GABRG3: variants seen among roughly 807,000 people sequenced by gnomAD.
GABRG3 encodes gamma-aminobutyric acid receptor subunit gamma-3.
A neutral mutation model predicts 48.8 loss-of-function variants in GABRG3; 25 were observed. The observed-to-expected ratio is 0.51, with a 90% CI of 0.37 to 0.72. GABRG3 has a LOEUF of 0.72. GABRG3 is among the 30% of genes least tolerant of loss of function. GABRG3 has a pLI of 0.00. For missense variants in GABRG3, 394 were observed against 577.9 expected, an observed-to-expected ratio of 0.68 and a Z score of 3.26; for synonymous variants, 227 against 217.6, an observed-to-expected ratio of 1.04 and a Z score of -0.38.
chr15:27,338,629 C>T (rs1443986272), intron 5 of GABRG3, among the ~76,000 whole-genome samples: 1 of 152,102 alleles, frequency 6.6e-6, no homozygotes, highest in Non-Finnish European at 1.5e-5. Context: ...GCTCAGTGCC[C>T]CCAGGGAGGC....
chr15:27,071,491 C>A (rs1288385421), intron 3 of GABRG3, among the ~76,000 whole-genome samples: 1 of 152,200 alleles, frequency 6.6e-6, no homozygotes, highest in East Asian at 1.9e-4. Context: ...GAAGCTGGTG[C>A]ACCTGTCCTG....
At chr15:27,009,402 GA>G (rs1895646081) in intron 2 of GABRG3, among the ~76,000 whole-genome samples, 1 of 152,016 alleles carries the variant, frequency 6.6e-6, no homozygotes, top group African/African-American at 2.4e-5. Flanking sequence ...CATGACGATT[GA>G]AAAAACCGTT....
chr15:27,495,209 A>G (rs1890454257), intron 6 of GABRG3, among the ~76,000 whole-genome samples: 1 of 152,194 alleles, frequency 6.6e-6, no homozygotes, highest in Non-Finnish European at 1.5e-5. Flanking sequence ...TATAAGTGGC[A>G]TCATACAGTA....
At chr15:27,112,442 ATT>A (rs200203617) in intron 3 of GABRG3, among the ~76,000 whole-genome samples, 2 of 137,616 alleles carry the variant, frequency 1.5e-5, no homozygotes, top group Non-Finnish European at 1.5e-5. Flanking sequence ...TATTTCATTG[ATT>A]TTTTTTTTTT....
intron 3 of GABRG3, among the ~76,000 whole-genome samples, chr15:27,283,495 C>T (rs1311467467): frequency 6.6e-6 from 1 of 152,080 alleles, no homozygotes; most frequent in Admixed American, 6.5e-5. Flanking sequence ...TCCCAGCTAT[C>T]TGGGAGGCTG....
chr15:27,345,890 C>T (rs542290748), intron 5 of GABRG3, among the ~76,000 whole-genome samples: 2 of 151,934 alleles, frequency 1.3e-5, no homozygotes, highest in Admixed American at 6.6e-5. Flanking sequence ...CCCATCTCTA[C>T]TAAAAATACA....
rs201866231 is a variant in GABRG3, at chr15:27,308,846, CAG to C, written c.271-17961_271-17960del. Among the ~76,000 whole-genome samples the C allele has an allele frequency of 3.2e-3, 481 of 149,676 alleles. 6 individuals carry two copies. Among genetic ancestry groups the C allele is most frequent in the Admixed American group, 0.023 (344 of 15,012 alleles). ...GTAAACATACGTTTATATAAAAACA[CAG>C]AATGTAAACATATATGTTTTTATAA... On this transcript the variant is annotated intron_variant, in intron 3 of 9. Coordinates refer to ENST00000615808, the MANE Select transcript of GABRG3 (RefSeq NM_033223.5).
intron 3 of GABRG3, among the ~76,000 whole-genome samples, chr15:27,250,585 C>T (rs1890422937): frequency 6.6e-6 from 1 of 151,986 alleles, no homozygotes; most frequent in South Asian, 2.1e-4. Flanking sequence ...TGCCACCATG[C>T]CCAGCTAATT....
At chr15:27,093,304 C>T (rs1243611587) in intron 3 of GABRG3, among the ~76,000 whole-genome samples, 1 of 152,142 alleles carries the variant, frequency 6.6e-6, no homozygotes, top group Non-Finnish European at 1.5e-5. Flanking sequence ...GTGAGCAGAC[C>T]CTTACATGCC....
At chr15:27,254,756 A>G (rs561013792) in intron 3 of GABRG3, among the ~76,000 whole-genome samples, 85 of 152,034 alleles carry the variant, frequency 5.6e-4, no homozygotes, top group Non-Finnish European at 1.1e-3. Context: ...ATTTCAATGT[A>G]TGAATTTGGG....
chr15:27,149,592 A>G (rs565713850), intron 3 of GABRG3, among the ~76,000 whole-genome samples: 10 of 152,356 alleles, frequency 6.6e-5, no homozygotes, highest in African/African-American at 2.2e-4. Flanking sequence ...AATCTACTGC[A>G]AAACTACTGC....
intron 3 of GABRG3, among the ~76,000 whole-genome samples, chr15:27,190,828 A>G (rs1425078242): frequency 2.0e-5 from 3 of 151,588 alleles, no homozygotes; most frequent in South Asian, 2.1e-4. Context: ...TAGGGTGTCA[A>G]TTTTGGATCT....
intron 2 of GABRG3, among the ~76,000 whole-genome samples, chr15:27,005,871 A>G (rs577666706): frequency 1.3e-5 from 2 of 152,180 alleles, no homozygotes; most frequent in Non-Finnish European, 2.9e-5. Context: ...CCTAATTTGT[A>G]CCTTTGGAAG....
At chr15:27,014,552 GTTGT>G (rs1331076210) in intron 2 of GABRG3, among the ~76,000 whole-genome samples, 1 of 151,856 alleles carries the variant, frequency 6.6e-6, no homozygotes. Context: ...CGACCCTTTG[GTTGT>G]TTAAGAGTAA....
intron 5 of GABRG3, among the ~76,000 whole-genome samples, chr15:27,407,837 A>C (rs1241729870): frequency 6.6e-6 from 1 of 152,216 alleles, no homozygotes; most frequent in East Asian, 1.9e-4. Context: ...GAATAGGTGG[A>C]GCCCAGAGAA....
chr15:27,280,034 A>G (rs1891384294), intron 3 of GABRG3, among the ~76,000 whole-genome samples: 1 of 152,054 alleles, frequency 6.6e-6, no homozygotes, highest in African/African-American at 2.4e-5. Flanking sequence ...TGTTATTTAT[A>G]TTGCATTCCT....
At chr15:27,498,623 TGGG>T (rs1890544162) in intron 6 of GABRG3, among the ~76,000 whole-genome samples, 1 of 152,104 alleles carries the variant, frequency 6.6e-6, no homozygotes, top group South Asian at 2.1e-4. Context: ...AGCCTCCTGC[TGGG>T]ACTACAGGTG....
chr15:27,335,297 T>A (rs1893927867), intron 5 of GABRG3, among the ~76,000 whole-genome samples: 1 of 152,168 alleles, frequency 6.6e-6, no homozygotes, highest in Non-Finnish European at 1.5e-5. Flanking sequence ...TATATTTAAT[T>A]CTCTGAGGAA....
chr15:27,068,684 T>C (rs1896778323), intron 3 of GABRG3, among the ~76,000 whole-genome samples: 1 of 152,224 alleles, frequency 6.6e-6, no homozygotes, highest in Non-Finnish European at 1.5e-5. Context: ...TTTCCTTACA[T>C]GTTGCACTGG....
Sources: allele counts gnomAD v4.1 joint callset (sites outside exome capture counted in the v4.1 genomes callset), GRCh38; gene constraint gnomAD v4.1.1; transcripts MANE v1.5; gene names NCBI Gene and HGNC (gene_info 2026-07-23, HGNC 2026-07-21).